The following UTP20 variants were observed in gnomAD, a reference collection of about 807,000 sequenced individuals.
UTP20 encodes the protein UTP20 small subunit processome component, also known as small subunit processome component 20 homolog.
Under a neutral mutation model 329.5 loss-of-function variants are expected in UTP20, and 164 were observed. The ratio of observed to expected loss-of-function variants is 0.50; its 90% CI spans 0.44 to 0.57. UTP20 has a LOEUF of 0.57. UTP20 is among the 20% of genes least tolerant of loss of function. UTP20 has a pLI of 0.00. For synonymous variants in UTP20, 1,151 were observed against 1,159.3 expected (o/e 0.99, Z 0.14); for missense variants, 3,055 against 3,284.2 (o/e 0.93, Z 1.71).
At chr12:101,352,327 CTT>C (rs1186666039) in intron 39 of UTP20, 133 bp downstream of exon 39, 1 of 887,928 alleles carries the variant, frequency 1.1e-6, no homozygotes, top group African/African-American at 1.7e-5. Context: ...GGTTCCAAGT[CTT>C]TGCTATTATG....
chr12:101,340,621 A>C lies in UTP20; in HGVS notation c.4101+11A>C. On this transcript the variant is annotated intron_variant, in intron 32 of 61. Transcript: ENST00000261637. ...GGCAATATTGCTGAGGTACAAACTC[A>C]TAGGACACTTAACTTTGTCTCTAGA... is the stretch of plus-strand genomic sequence containing the variant. 6.4e-7 allele frequency: 1 copy of C among 1,568,522 alleles called. No individual in the cohort carries two copies. The highest frequency in any genetic ancestry group is 8.8e-7 in the Non-Finnish European group (1 of 1,142,050).
intron 43 of UTP20, among the ~76,000 whole-genome samples, chr12:101,361,178 T>G (rs780986221): frequency 2.6e-4 from 40 of 152,248 alleles, no homozygotes; most frequent in Non-Finnish European, 4.9e-4. Flanking sequence ...ATTAATATAG[T>G]ACCTACCCTG....
chr12:101,385,447 T>A, intron 60 of UTP20, 136 bp from the exon 61 acceptor site: 11 of 1,014,292 alleles, frequency 1.1e-5, no homozygotes, highest in Non-Finnish European at 1.6e-5. Flanking sequence ...AGAGTTGAAA[T>A]TTTGTTTTGT....
In UTP20 at chr12:101,342,269, A is replaced by G. The variant is rs1477546629; in HGVS notation, c.4102-177A>G. ...GGAAGAAACTGGTTCACACATTCTT[A>G]TGGGTTTTACATTAAATTAAAATGC... On this transcript the variant is annotated intron_variant, in intron 32 of 61. Transcript: ENST00000261637. 4.6e-5 allele frequency among the ~76,000 whole-genome samples: 7 copies of G among 152,218 alleles called. No homozygotes were observed. The East Asian group carries it at 5.8e-4, about 13-fold the overall frequency.
intron 35 of UTP20, 102 bp from the exon 36 acceptor site, chr12:101,344,493 A>G: frequency 1.4e-6 from 1 of 697,176 alleles, no homozygotes; most frequent in Non-Finnish European, 2.5e-6. Context: ...GCATTTTTAC[A>G]AGCACAGTGA....
chr12:101,303,320 A>G (rs1872571092), intron 15 of UTP20, among the ~76,000 whole-genome samples: 1 of 152,238 alleles, frequency 6.6e-6, no homozygotes, highest in African/African-American at 2.4e-5. Context: ...AAAGTAAACT[A>G]TATAGCGTGT....
intron 60 of UTP20, 23 bp downstream of exon 60, chr12:101,383,692 C>G (rs1460554633): frequency 6.6e-7 from 1 of 1,511,572 alleles, no homozygotes; most frequent in South Asian, 1.4e-5. Flanking sequence ...CGTCTGTTCT[C>G]CTGCCTTTTG....
intron 61 of UTP20, 95 bp from the exon 62 acceptor site, chr12:101,385,873 T>G: frequency 6.9e-7 from 1 of 1,446,240 alleles, no homozygotes; most frequent in Non-Finnish European, 9.3e-7. Flanking sequence ...TTTTCTTTAA[T>G]GAGCATGTGT....
chr12:101,383,499 T>TA (rs1870722799), intron 59 of UTP20, 44 bp from the exon 60 acceptor site: 1 of 1,598,624 alleles, frequency 6.3e-7, no homozygotes, highest in Admixed American at 1.7e-5. Context: ...GATTGAGTGC[T>TA]AAAGAGAAGT....
At position 101,310,595 on chromosome 12, in the gene UTP20, A is replaced by AAAAAAAAAAAAAAAAAAAG. The variant is rs1330692306; in HGVS notation, c.2231+759_2231+760insAAAAAAAAAAAAAAAGAAA. ...TGTCTCCCAAAAAAAAAAAAAAAAA[A>AAAAAAAAAAAAAAAAAAAG]AAATACATGTTATGGCTCATGTGTA... On this transcript the variant is annotated intron_variant, in intron 19 of 61. Coordinates refer to ENST00000261637, the MANE Select transcript of UTP20 (RefSeq NM_014503.3). 3.7e-4 allele frequency among the ~76,000 whole-genome samples: 45 copies of AAAAAAAAAAAAAAAAAAAG among 121,724 alleles called. 3 individuals are homozygous for AAAAAAAAAAAAAAAAAAAG. Among genetic ancestry groups the AAAAAAAAAAAAAAAAAAAG allele is most frequent in the Non-Finnish European group, 6.4e-4 (32 of 49,780 alleles). 79.9% of individuals were successfully genotyped at this position (121,724 alleles called of 152,430 possible).
intron 12 of UTP20, 120 bp downstream of exon 12, chr12:101,295,778 T>C: frequency 4.1e-6 from 5 of 1,213,754 alleles, no homozygotes; most frequent in Non-Finnish European, 5.5e-6. Context: ...TGATAAGTTG[T>C]GTGAAAAAAG....
At position 101,385,291 on chromosome 12, in the gene UTP20, C is replaced by G. The variant is rs139121534; in HGVS notation, c.8057-292C>G. Among the ~76,000 whole-genome samples, 91 of 152,150 alleles carry G rather than the reference C, an allele frequency of 6.0e-4. 2 individuals carry two copies. In the East Asian group the frequency reaches 0.016, roughly 26 times the overall value. ...GGCCAGGTTTCCGCTGGGAAGTGGG[C>G]CTCATGTTCTCTGATTTCTTATTGC... On this transcript the variant is annotated intron_variant, in intron 60 of 61. Coordinates refer to ENST00000261637, the MANE Select transcript of UTP20 (RefSeq NM_014503.3).
chr12:101,304,394 G>A (rs1593424326), intron 15 of UTP20, among the ~76,000 whole-genome samples: 3 of 152,208 alleles, frequency 2.0e-5, no homozygotes, highest in African/African-American at 4.8e-5. Context: ...TACAATGCAT[G>A]CAATAATAGT....
intron 27 of UTP20, among the ~76,000 whole-genome samples, chr12:101,332,490 T>C (rs1868792254): frequency 6.6e-6 from 1 of 152,186 alleles, no homozygotes; most frequent in Non-Finnish European, 1.5e-5. Context: ...ACTCAATAAA[T>C]TGTCCTACTC....
chr12:101,377,995 G>A (rs983739664), intron 56 of UTP20, among the ~76,000 whole-genome samples: 2 of 152,192 alleles, frequency 1.3e-5, no homozygotes, highest in Non-Finnish European at 2.9e-5. Flanking sequence ...GCTGAGGCTT[G>A]CAGATTGCTT....
chr12:101,333,546 C>G, intron 28 of UTP20, 102 bp downstream of exon 28: 1 of 1,410,836 alleles, frequency 7.1e-7, no homozygotes, highest in Non-Finnish European at 9.6e-7. Flanking sequence ...TTACCTGGGT[C>G]TTTCCTTTTA....
chr12:101,315,482 TA>T (rs879469981), intron 21 of UTP20, among the ~76,000 whole-genome samples: 329 of 135,994 alleles, frequency 2.4e-3, no homozygotes, highest in African/African-American at 3.3e-3. Context: ...AGATTCCGTC[TA>T]AAAAAAAAAA....
intron 52 of UTP20, 43 bp from the exon 53 acceptor site, chr12:101,373,358 A>G: frequency 2.6e-6 from 4 of 1,531,146 alleles, no homozygotes; most frequent in Non-Finnish European, 3.6e-6. Flanking sequence ...TTATTTGTAA[A>G]TTTAGAAGAT....
At position 101,383,589 on chromosome 12, in the gene UTP20, G is replaced by A. The variant is rs1870726870; in HGVS notation, c.7976G>A (p.Gly2659Glu). The change falls in exon 60 of 62, where the codon GGG becomes GAG. Residue 2659 changes from glycine (G) to glutamate (E), a missense_variant. Transcript: ENST00000261637. Reference sequence around the variant, plus strand: ...CTCGGCGCCGTAGCAATGGATCTTGGGATAGACAAGGTAAAGCCGTATCTC... The same window carrying A: ...CTCGGCGCCGTAGCAATGGATCTTGAGATAGACAAGGTAAAGCCGTATCTC... ...KFLGAVAMDL[G>E]IDKVKPYLPM... is the part of the protein sequence containing the mutation. 1 of 1,613,564 alleles carries A rather than the reference G, an allele frequency of 6.2e-7. No homozygotes were observed. Among genetic ancestry groups the A allele is most frequent in the Non-Finnish European group, 8.5e-7 (1 of 1,179,832 alleles).
Sources: gnomAD v4.1 joint callset for allele counts (sites outside exome capture counted in the v4.1 genomes callset) on GRCh38, gnomAD v4.1.1 for gene constraint, MANE v1.5 for transcripts, NCBI Gene and HGNC (gene_info 2026-07-23, HGNC 2026-07-21) for gene names.